SYT14: variants seen among roughly 807,000 people sequenced by gnomAD.
SYT14 encodes the protein synaptotagmin 14, also known as synaptotagmin-14.
SYT14 carries 32 observed loss-of-function variants against 74.2 expected under a neutral mutation model. That is an observed-to-expected ratio of 0.43 (90% CI 0.33 to 0.58). SYT14 has a LOEUF of 0.58. SYT14 is among the 20% of genes least tolerant of loss of function. The pLI is 0.05. For synonymous variants in SYT14, 298 were observed against 337.7 expected (o/e 0.88, Z 1.29); for missense variants, 791 against 981.8 (o/e 0.81, Z 2.60).
intron 1 of SYT14, among the ~76,000 whole-genome samples, chr1:209,949,272 T>C (rs767920944): frequency 5.9e-5 from 9 of 152,050 alleles, no homozygotes; most frequent in Admixed American, 1.3e-4. Flanking sequence ...TTAGGAAGGA[T>C]TGGGGATAAA....
chr1:210,053,103 A>G (rs1572219116), intron 5 of SYT14, among the ~76,000 whole-genome samples: 1 of 152,224 alleles, frequency 6.6e-6, no homozygotes, highest in Non-Finnish European at 1.5e-5. Context: ...GTATCCATAC[A>G]ATATCAATAT....
chr1:210,013,895 C>A, intron 3 of SYT14, 98 bp downstream of exon 3: 1 of 1,166,410 alleles, frequency 8.6e-7, no homozygotes, highest in Non-Finnish European at 1.2e-6. Flanking sequence ...TTGTGACATA[C>A]AATAAACTAA....
At chr1:210,150,367 A>G (rs1450114442) in intron 7 of SYT14, among the ~76,000 whole-genome samples, 2 of 152,160 alleles carry the variant, frequency 1.3e-5, no homozygotes, top group Admixed American at 1.3e-4. Context: ...TACAAACCCT[A>G]CTAAAACCCA....
At chr1:210,041,882 G>T (rs1018807148) in intron 5 of SYT14, among the ~76,000 whole-genome samples, 1 of 152,078 alleles carries the variant, frequency 6.6e-6, no homozygotes, top group African/African-American at 2.4e-5. Context: ...GCCCTAGGTA[G>T]ATAGAGTCTT....
exon 10 of SYT14, chr1:210,165,471 C>T (rs1283415655): frequency 6.6e-6 from 1 of 152,088 alleles, no homozygotes; most frequent in African/African-American, 2.4e-5. Context: ...ATTCCAAAAG[C>T]ATATTAATCA....
intron 5 of SYT14, among the ~76,000 whole-genome samples, chr1:210,070,999 T>G (rs1260446821): frequency 6.6e-6 from 1 of 150,586 alleles, no homozygotes; most frequent in African/African-American, 2.5e-5. Flanking sequence ...CTGTGAGTCT[T>G]GATAAAAACT....
At chr1:209,986,263 T>A (rs1392681784) in intron 2 of SYT14, among the ~76,000 whole-genome samples, 1 of 152,122 alleles carries the variant, frequency 6.6e-6, no homozygotes, top group African/African-American at 2.4e-5. Flanking sequence ...GAACATAGGC[T>A]GTTAGAAGCA....
chr1:210,082,075 A>G (rs952863982), intron 5 of SYT14, among the ~76,000 whole-genome samples: 13 of 152,250 alleles, frequency 8.5e-5, no homozygotes, highest in African/African-American at 3.1e-4. Flanking sequence ...GAGCAAAGCA[A>G]AGCAGTTGAG....
chr1:210,014,420 T>TG (rs1448631122), intron 3 of SYT14, among the ~76,000 whole-genome samples: 1 of 151,394 alleles, frequency 6.6e-6, no homozygotes, highest in East Asian at 1.9e-4. Flanking sequence ...TGGAGTGTTT[T>TG]TTTTTTTTTT....
At chr1:210,103,153 T>C (rs1270797367) in intron 7 of SYT14, among the ~76,000 whole-genome samples, 2 of 152,120 alleles carry the variant, frequency 1.3e-5, no homozygotes, top group Non-Finnish European at 2.9e-5. Flanking sequence ...AATTTAGTTT[T>C]ATAGCTAGTT....
At chr1:210,048,063 T>C (rs778374524) in intron 5 of SYT14, among the ~76,000 whole-genome samples, 9 of 152,244 alleles carry the variant, frequency 5.9e-5, no homozygotes, top group Non-Finnish European at 1.3e-4. Flanking sequence ...ATTGATACTT[T>C]GAGACTGTGT....
chr1:209,964,043 T>C (rs921816582), intron 2 of SYT14, among the ~76,000 whole-genome samples: 3 of 152,184 alleles, frequency 2.0e-5, no homozygotes, highest in African/African-American at 7.2e-5. Flanking sequence ...TTTGGCTCTG[T>C]GTCCCCACCT....
intron 7 of SYT14, among the ~76,000 whole-genome samples, chr1:210,123,058 CA>C (rs1157085268): frequency 6.6e-6 from 1 of 152,122 alleles, no homozygotes; most frequent in African/African-American, 2.4e-5. Context: ...AAATATCTGA[CA>C]AGTCGTAGTA....
chr1:210,066,032 C>G (rs2081289708), intron 5 of SYT14, among the ~76,000 whole-genome samples: 1 of 151,752 alleles, frequency 6.6e-6, no homozygotes, highest in African/African-American at 2.4e-5. Context: ...CAGCTTCATC[C>G]ATGTCCCTAC....
chr1:210,124,557 CT>C (rs1445865699), intron 7 of SYT14, among the ~76,000 whole-genome samples: 2 of 152,142 alleles, frequency 1.3e-5, no homozygotes, highest in African/African-American at 2.4e-5. Flanking sequence ...GAAAGACCCC[CT>C]GATGACATAA....
chr1:209,962,855 T>A (rs750140423), intron 2 of SYT14, among the ~76,000 whole-genome samples: 1 of 152,112 alleles, frequency 6.6e-6, no homozygotes, highest in Non-Finnish European at 1.5e-5. Flanking sequence ...TAAGTTCTCC[T>A]TTACTCTGAA....
intron 7 of SYT14, among the ~76,000 whole-genome samples, chr1:210,112,056 G>A (rs1440128430): frequency 1.3e-5 from 2 of 151,284 alleles, no homozygotes; most frequent in African/African-American, 4.9e-5. Flanking sequence ...TTATCAGACT[G>A]TACAGAGGTG....
intron 5 of SYT14, among the ~76,000 whole-genome samples, chr1:210,079,719 C>G (rs1014799243): frequency 1.3e-5 from 2 of 152,182 alleles, no homozygotes. Context: ...GGACAGTAGG[C>G]AGGGCAGGGA....
intron 2 of SYT14, among the ~76,000 whole-genome samples, chr1:209,970,627 A>G (rs1018708039): frequency 1.0e-4 from 14 of 137,540 alleles, no homozygotes; most frequent in African/African-American, 3.8e-4. Context: ...TGGTAGGAAT[A>G]GCATTGAATT....
Sources: allele counts gnomAD v4.1 joint callset (sites outside exome capture counted in the v4.1 genomes callset), GRCh38; gene constraint gnomAD v4.1.1; transcripts MANE v1.5; gene names NCBI Gene and HGNC (gene_info 2026-07-23, HGNC 2026-07-21).